Variants in POR observed in about 807,000 individuals in gnomAD.
POR encodes the protein cytochrome p450 oxidoreductase, also known as NADPH--cytochrome P450 reductase.
POR carries 56 observed loss-of-function variants against 84.0 expected under a neutral mutation model. The observed-to-expected ratio is 0.67, with a 90% confidence interval of 0.54 to 0.83. The LOEUF is 0.83. POR is among the 40% of genes least tolerant of loss of function. The probability of loss-of-function intolerance (pLI) is 0.00; values close to 1 mark genes in which losing one functional copy is unlikely to be tolerated. For synonymous variants in POR, 414 were observed against 400.5 expected (o/e 1.03, Z -0.40); for missense variants, 938 against 944.3 (o/e 0.99, Z 0.09).
At chr7:75,967,945 G>A (rs997636054) in intron 2 of POR, 12 of 426,332 alleles carry the variant, frequency 2.8e-5, no homozygotes, top group Non-Finnish European at 5.3e-5. Flanking sequence ...GAGGCCACGG[G>A]CCCAGGCAAC....
In POR at chr7:75,986,787, G is replaced by C. The variant is rs17685; in HGVS notation, c.*306G>C. On this transcript the variant is annotated 3_prime_UTR_variant, in exon 16 of 16. Transcript: ENST00000461988. ...GCTGAGCTGGGCCCAGCCCCTCCAC[G>C]TGATTTCCAGTGAGTGTAAATAATT... 1.2e-5 allele frequency: 7 copies of C among 574,884 alleles called. No homozygotes were observed. Among genetic ancestry groups the C allele is most frequent in the African/African-American group, 9.3e-5 (5 of 53,550 alleles). The allele number at this position is 574,884 out of a possible 1,614,324, so 35.6% of individuals were successfully genotyped here.
chr7:75,984,672 C>G, intron 10 of POR, 105 bp from the exon 11 acceptor site: 1 of 997,494 alleles, frequency 1.0e-6, no homozygotes, highest in East Asian at 2.4e-5. Context: ...AGCTGGGGCA[C>G]CTGTTGCCGC....
At chr7:75,955,949 T>C (rs41295387) in intron 2 of POR, among the ~76,000 whole-genome samples, 1 of 152,200 alleles carries the variant, frequency 6.6e-6, no homozygotes, top group Non-Finnish European at 1.5e-5. Flanking sequence ...AAAGCAGATA[T>C]TCACACAACA....
chr7:75,961,924 G>A (rs549098568), intron 2 of POR, among the ~76,000 whole-genome samples: 7 of 152,254 alleles, frequency 4.6e-5, no homozygotes, highest in Admixed American at 3.3e-4. Flanking sequence ...TGAGGTGGGA[G>A]GATCACTTGA....
chr7:75,977,407 A>G (rs1402125689), intron 3 of POR, among the ~76,000 whole-genome samples: 2 of 152,214 alleles, frequency 1.3e-5, no homozygotes, highest in East Asian at 3.8e-4. Flanking sequence ...AGCTACTTCT[A>G]CAGCTGCCTC....
At chr7:75,972,526 T>G (rs782358815) in intron 3 of POR, 65 bp downstream of exon 3, 128 of 1,439,172 alleles carry the variant, frequency 8.9e-5, no homozygotes, top group Non-Finnish European at 1.2e-4. Flanking sequence ...TGTAATCAAG[T>G]CTAGCAGACG....
At chr7:75,985,344 C>A in intron 12 of POR, 137 bp downstream of exon 12, 1 of 1,237,216 alleles carries the variant, frequency 8.1e-7, no homozygotes. Flanking sequence ...GCTCCAAATG[C>A]CTCCCCAGGC....
Position 75,976,262 on chromosome 7 carries a change from C to T in POR, c.238-3189C>T, listed in dbSNP as rs150313578. The stretch of plus-strand genomic sequence containing the variant: ...GATTATTTTAAAATATCCTTTTGGG[C>T]GAAAACCCTGTCTCTACTAAAAATA... On this transcript the variant is annotated intron_variant, in intron 3 of 15. Coordinates refer to ENST00000461988, the MANE Select transcript of POR (RefSeq NM_000941.3). Among the ~76,000 whole-genome samples the T allele has an allele frequency of 2.2e-3, 335 of 151,942 alleles. 1 individual carries two copies. The highest frequency in any genetic ancestry group is 7.8e-3 in the African/African-American group (322 of 41,438).
chr7:75,943,953 TA>T (rs781829440), intron 1 of POR: 4,572 of 398,212 alleles, frequency 0.011, no homozygotes, highest in South Asian at 0.017. Context: ...ATTATCAACT[TA>T]AAAAAAAAAT....
intron 3 of POR, among the ~76,000 whole-genome samples, chr7:75,973,296 T>C (rs1788521882): frequency 6.6e-6 from 1 of 152,114 alleles, no homozygotes; most frequent in Non-Finnish European, 1.5e-5. Flanking sequence ...ACAGAGACTC[T>C]TATTTTTAAT....
chr7:75,979,800 C>G (rs2116583404), intron 4 of POR: 1 of 584,946 alleles, frequency 1.7e-6, no homozygotes, highest in African/African-American at 1.9e-5. Flanking sequence ...CATCGTTTCC[C>G]CAGGACTGGC....
intron 8 of POR, 140 bp downstream of exon 8, chr7:75,982,462 G>A (rs983318621): frequency 4.8e-5 from 34 of 709,982 alleles, no homozygotes; most frequent in Middle Eastern, 3.4e-4. Context: ...GAGTGTCCAC[G>A]ACCTGTCCAC....
At chr7:75,981,269 A>G (rs1789024969) in intron 6 of POR, 97 bp downstream of exon 6, 2 of 1,438,470 alleles carry the variant, frequency 1.4e-6, no homozygotes, top group African/African-American at 2.8e-5. Flanking sequence ...GCTGAGACTC[A>G]GCGACACGCA....
At chr7:75,928,662 C>T (rs1372631456) in intron 1 of POR, among the ~76,000 whole-genome samples, 2 of 152,290 alleles carry the variant, frequency 1.3e-5, no homozygotes, top group Non-Finnish European at 2.9e-5. Context: ...CCACACTAGA[C>T]GTTGCTTAGA....
intron 1 of POR, among the ~76,000 whole-genome samples, chr7:75,939,448 A>G (rs1440401975): frequency 1.3e-5 from 2 of 151,818 alleles, no homozygotes; most frequent in African/African-American, 4.8e-5. Flanking sequence ...TCTCTAGCAC[A>G]TCTGAGAATC....
At chr7:75,955,105 G>A (rs1554553569) in intron 2 of POR, among the ~76,000 whole-genome samples, 1 of 152,194 alleles carries the variant, frequency 6.6e-6, no homozygotes, top group Admixed American at 6.5e-5. Flanking sequence ...GTCTCCCAGA[G>A]TGTCGGGATT....
intron 2 of POR, chr7:75,968,117 C>T (rs1434227232): frequency 2.0e-5 from 9 of 455,720 alleles, no homozygotes; most frequent in African/African-American, 4.0e-5. Context: ...CTGAGGAGCC[C>T]GCTCTGAGAA....
chr7:75,961,907 A>T (rs939549018), intron 2 of POR, among the ~76,000 whole-genome samples: 1 of 152,142 alleles, frequency 6.6e-6, no homozygotes, highest in Non-Finnish European at 1.5e-5. Flanking sequence ...CCAGTTACTC[A>T]GAAGGCTGAG....
intron 1 of POR, among the ~76,000 whole-genome samples, chr7:75,942,554 A>G (rs1432292851): frequency 1.3e-5 from 2 of 151,232 alleles, no homozygotes; most frequent in Non-Finnish European, 2.9e-5. Flanking sequence ...AGAGCTGCTC[A>G]ATTGTACAGT....
Sources: allele counts gnomAD v4.1 joint callset (sites outside exome capture counted in the v4.1 genomes callset), GRCh38; gene constraint gnomAD v4.1.1; transcripts MANE v1.5; gene names NCBI Gene and HGNC (gene_info 2026-07-23, HGNC 2026-07-21).